GNB5: variants seen among roughly 807,000 people sequenced by gnomAD.
The protein encoded by GNB5 is G protein subunit beta 5.
In GNB5, 37 loss-of-function variants were observed where a neutral mutation model predicts 55.3. That is an observed-to-expected ratio of 0.67 (90% CI 0.51 to 0.88). The LOEUF is 0.88. GNB5 is among the 40% of genes least tolerant of loss of function. The pLI, the probability that GNB5 is intolerant of heterozygous loss-of-function variation, is 0.00. For synonymous variants in GNB5, 219 were observed against 198.5 expected (o/e 1.10, Z -0.87); for missense variants, 476 against 515.3 (o/e 0.92, Z 0.74).
chr15:52,144,745 G>A (rs548449015), intron 6 of GNB5, among the ~76,000 whole-genome samples: 1 of 152,176 alleles, frequency 6.6e-6, no homozygotes. Flanking sequence ...CACACAGGCA[G>A]TGTGTGGTCA....
intron 6 of GNB5, among the ~76,000 whole-genome samples, chr15:52,141,810 T>C (rs2033861751): frequency 6.6e-6 from 1 of 152,212 alleles, no homozygotes; most frequent in Non-Finnish European, 1.5e-5. Context: ...ACCACATCCT[T>C]ATCACATTTG....
intron 2 of GNB5, among the ~76,000 whole-genome samples, chr15:52,184,149 T>C (rs1158021399): frequency 6.6e-6 from 1 of 152,244 alleles, no homozygotes; most frequent in Non-Finnish European, 1.5e-5. Context: ...AAGAAAAAAG[T>C]ATTAGCCCTA....
At chr15:52,154,263 T>C (rs372752219) in intron 3 of GNB5, among the ~76,000 whole-genome samples, 187 bp from the exon 4 acceptor site, 2 of 152,226 alleles carry the variant, frequency 1.3e-5, no homozygotes, top group African/African-American at 4.8e-5. Flanking sequence ...TTAAGATCAG[T>C]AGAGGGTAGA....
chr15:52,178,710 A>C (rs2034700310), intron 3 of GNB5, among the ~76,000 whole-genome samples: 1 of 152,234 alleles, frequency 6.6e-6, no homozygotes, highest in Non-Finnish European at 1.5e-5. Flanking sequence ...ACCCCTAGGA[A>C]AGCACAGCAC....
In GNB5 at chr15:52,128,451, C is replaced by T. The variant is rs547072417; in HGVS notation, c.864-207G>A. ...GTGGGGGACAGTGACACTGGCCTTG[C>T]AGAGTGAGATAATATGTGTTGATAT... On this transcript the variant is annotated intron_variant, in intron 9 of 12. Coordinates refer to ENST00000261837, the MANE Select transcript of GNB5 (RefSeq NM_016194.4). 11 of 617,104 alleles carry T rather than the reference C, an allele frequency of 1.8e-5. No individual in the cohort carries two copies. The South Asian group carries it at 2.1e-4, about 12-fold the overall frequency. 38.2% of individuals were successfully genotyped at this position (617,104 alleles called of 1,614,324 possible).
intron 5 of GNB5, among the ~76,000 whole-genome samples, chr15:52,148,260 C>T (rs1360669096): frequency 6.6e-6 from 1 of 151,928 alleles, no homozygotes; most frequent in Non-Finnish European, 1.5e-5. Flanking sequence ...AGTCTGTTTA[C>T]TTGTGAATCT....
chr15:52,135,269 A>G (rs1029653401), intron 8 of GNB5, among the ~76,000 whole-genome samples: 12 of 152,076 alleles, frequency 7.9e-5, no homozygotes, highest in African/African-American at 2.2e-4. Flanking sequence ...ACTCTCTGCT[A>G]TTTACTTGAG....
chr15:52,139,004 T>A (rs889671826), intron 7 of GNB5: 3 of 152,142 alleles, frequency 2.0e-5, no homozygotes, highest in African/African-American at 7.2e-5. Flanking sequence ...TTTGTAAGTT[T>A]AATACCATAG....
rs1318693517 is a variant in GNB5 at position 52,118,284 on chromosome 15, C to A, written c.*4473G>T. 1 of 152,164 alleles carries A rather than the reference C, an allele frequency of 6.6e-6. No individual in the cohort carries two copies. Among genetic ancestry groups the A allele is most frequent in the African/African-American group, 2.4e-5 (1 of 41,414 alleles). The allele number at this position is 152,164 out of a possible 1,614,324, so 9.4% of individuals were successfully genotyped here. A position where few individuals can be genotyped will look rare whatever the true frequency, so the allele number is the denominator to read the frequency against. On this transcript the variant is annotated 3_prime_UTR_variant, in exon 13 of 13. Transcript: ENST00000261837. ...AGATCAGCTGTTCTCAAAGCAAGAT[C>A]CAGGGCCCCCGAGGGTCCCTGAGAC...
At chr15:52,148,493 G>A (rs1195389052) in intron 5 of GNB5, among the ~76,000 whole-genome samples, 1 of 152,210 alleles carries the variant, frequency 6.6e-6, no homozygotes, top group African/African-American at 2.4e-5. Context: ...GCACATCTTG[G>A]TGGTGGTAGA....
At position 52,120,845 on chromosome 15, in the gene GNB5, C is replaced by T. The variant is rs1032355959; in HGVS notation, c.*1912G>A. ...ACTAAAAAGCACTCTCTCTGGGCTCCCTGGAGGAAGGCAGAGGCCCTTCAT... is the reference window on the plus strand; with the variant it reads ...ACTAAAAAGCACTCTCTCTGGGCTCTCTGGAGGAAGGCAGAGGCCCTTCAT... On this transcript the variant is annotated 3_prime_UTR_variant, in exon 13 of 13. Transcript: ENST00000261837. The T allele has an allele frequency of 9.8e-5, 15 of 152,298 alleles. No homozygotes were observed. Among genetic ancestry groups the T allele is most frequent in the African/African-American group, 3.1e-4 (13 of 41,460 alleles). 9.4% of individuals were successfully genotyped at this position (152,298 alleles called of 1,614,324 possible).
chr15:52,117,114 T>TTTTTTGG lies in GNB5; in HGVS notation c.*5642_*5643insCCAAAAA, dbSNP rs1341100858. 3 of 85,596 alleles carry TTTTTTGG rather than the reference T, an allele frequency of 3.5e-5. No individual in the cohort carries two copies. Among genetic ancestry groups the TTTTTTGG allele is most frequent in the African/African-American group, 1.6e-4 (3 of 18,752 alleles). The allele number at this position is 85,596 out of a possible 1,614,324, so 5.3% of individuals were successfully genotyped here. On this transcript the variant is annotated 3_prime_UTR_variant, in exon 13 of 13. Coordinates refer to ENST00000261837, the MANE Select transcript of GNB5 (RefSeq NM_016194.4). ...AATATATATATATATTTTTTTTTAG[T>TTTTTTGG]ACAGACAGGGTTTCACCGTGTTAGC...
At chr15:52,140,991 CTA>C in intron 7 of GNB5, 147 bp downstream of exon 7, 1 of 613,914 alleles carries the variant, frequency 1.6e-6, no homozygotes, top group Non-Finnish European at 2.9e-6. Context: ...ATAATAATAA[CTA>C]ATGAGAAACA....
intron 3 of GNB5, among the ~76,000 whole-genome samples, chr15:52,172,123 C>T (rs1242066739): frequency 6.6e-6 from 1 of 151,976 alleles, no homozygotes; most frequent in Non-Finnish European, 1.5e-5. Context: ...GAATTGTTTT[C>T]CCCTTTCTCT....
intron 3 of GNB5, among the ~76,000 whole-genome samples, chr15:52,169,380 T>C (rs999984624): frequency 9.4e-5 from 14 of 148,380 alleles, no homozygotes; most frequent in African/African-American, 3.5e-4. Context: ...CTACTAAAAA[T>C]ACAAAAAATT....
chr15:52,135,743 C>G lies in GNB5; in HGVS notation c.641G>C (p.Ser214Thr). 6.2e-7 allele frequency: 1 copy of G among 1,612,482 alleles called. No individual in the cohort carries two copies. Among genetic ancestry groups the G allele is most frequent in the East Asian group, 2.2e-5 (1 of 44,850 alleles). ...CCACAGGGCACATGTGCCATCGCCG[C>G]TCGCTGTCAGGATCTGCCCGCAGAA... is the stretch of plus-strand genomic sequence containing the variant. ...TNSDMQILTA[S>T]GDGTCALWDV... Residue 214 changes from serine (S) to threonine (T), a missense_variant, in exon 8 of 13, where the codon AGC becomes ACC. Transcript: ENST00000261837.
chr15:52,124,936 A>G (rs764690301), intron 11 of GNB5: 4 of 224,926 alleles, frequency 1.8e-5, no homozygotes, highest in Non-Finnish European at 3.5e-5. Context: ...AGGGCACTGC[A>G]GACACAAGTA....
chr15:52,145,759 A>AG (rs2033960392), intron 6 of GNB5, among the ~76,000 whole-genome samples: 2 of 152,244 alleles, frequency 1.3e-5, no homozygotes, highest in South Asian at 4.1e-4. Context: ...CCCTAAGGGA[A>AG]GGGACACTGG....
chr15:52,152,635 C>CT (rs578194564), intron 4 of GNB5, among the ~76,000 whole-genome samples: 22,574 of 138,696 alleles, frequency 0.16, 2,060 homozygotes, highest in Admixed American at 0.28. Context: ...GAATATCTCT[C>CT]TTTTTTTTTT....
Sources: gnomAD v4.1 joint callset for allele counts (sites outside exome capture counted in the v4.1 genomes callset) on GRCh38, gnomAD v4.1.1 for gene constraint, MANE v1.5 for transcripts, NCBI Gene and HGNC (gene_info 2026-07-23, HGNC 2026-07-21) for gene names.